TMCC3: variants seen among roughly 807,000 people sequenced by gnomAD.
TMCC3 encodes the protein transmembrane and coiled-coil domain family 3.
Under a neutral mutation model 40.2 loss-of-function variants are expected in TMCC3, and 28 were observed. The observed-to-expected ratio is 0.70, with a 90% CI of 0.52 to 0.95. TMCC3 has a LOEUF of 0.95. TMCC3 is among the 40% of genes least tolerant of loss of function. TMCC3 has a pLI of 0.00. For synonymous variants in TMCC3, 255 were observed against 248.5 expected, an observed-to-expected ratio of 1.03 and a Z score of -0.25; for missense variants, 554 against 615.2, an observed-to-expected ratio of 0.90 and a Z score of 1.05.
intron 1 of TMCC3, among the ~76,000 whole-genome samples, chr12:94,611,851 C>T (rs2068817949): frequency 6.6e-6 from 1 of 151,984 alleles, no homozygotes; most frequent in South Asian, 2.1e-4. Context: ...TGGTTGAATC[C>T]ATGAATGTGA....
In TMCC3 at chr12:94,578,456, C is replaced by G; in HGVS notation, c.1069G>C (p.Glu357Gln). 3 of 1,614,194 alleles carry G rather than the reference C, an allele frequency of 1.9e-6. No individual in the cohort carries two copies. The highest frequency in any genetic ancestry group is 1.6e-4 in the Middle Eastern group (1 of 6,062). ...ACCTTCTCCTCAATGCTGGCCAGCT[C>G]CTGCTTCAGGTTGGCTGTCTCATGC... ...HQHETANLKQELASIEEKVAY... is the reference protein window; with the variant it reads ...HQHETANLKQQLASIEEKVAY... The change falls in exon 3 of 4, where the codon GAG becomes CAG. Residue 357 changes from glutamate (E) to glutamine (Q), a missense_variant. By Grantham distance (29) the Glu-to-Gln change is conservative. Transcript: ENST00000261226.
intron 1 of TMCC3, among the ~76,000 whole-genome samples, chr12:94,648,703 T>C (rs755401703): frequency 2.6e-5 from 4 of 152,190 alleles, no homozygotes; most frequent in African/African-American, 4.8e-5. Flanking sequence ...ATCACCACCA[T>C]TTTACAGGTT....
At chr12:94,589,477 G>A (rs1374405884) in intron 1 of TMCC3, among the ~76,000 whole-genome samples, 1 of 150,050 alleles carries the variant, frequency 6.7e-6, no homozygotes, top group African/African-American at 2.4e-5. Flanking sequence ...CTAGGGGACA[G>A]GGGAGTATAA....
intron 1 of TMCC3, among the ~76,000 whole-genome samples, chr12:94,603,615 G>C (rs150247393): frequency 2.6e-5 from 4 of 152,130 alleles, no homozygotes; most frequent in Non-Finnish European, 5.9e-5. Flanking sequence ...TACCCTTTGC[G>C]GGGAAGTAGG....
intron 1 of TMCC3, among the ~76,000 whole-genome samples, chr12:94,589,587 CTATT>C (rs2068659608): frequency 6.7e-6 from 1 of 149,954 alleles, no homozygotes. Flanking sequence ...ACTATTATTA[CTATT>C]TTATAAACTA....
At chr12:94,620,015 T>C (rs967210125) in intron 1 of TMCC3, among the ~76,000 whole-genome samples, 3 of 151,806 alleles carry the variant, frequency 2.0e-5, no homozygotes, top group African/African-American at 7.3e-5. Flanking sequence ...AATGCAAAAT[T>C]AGCTGGGCGT....
chr12:94,607,989 T>C (rs144752760), intron 1 of TMCC3, among the ~76,000 whole-genome samples: 4 of 152,354 alleles, frequency 2.6e-5, no homozygotes, highest in African/African-American at 7.2e-5. Context: ...AATAAGGCCA[T>C]TGTAAATATA....
chr12:94,646,914 C>T (rs1001186840), intron 1 of TMCC3, among the ~76,000 whole-genome samples: 3 of 152,090 alleles, frequency 2.0e-5, no homozygotes, highest in East Asian at 1.9e-4. Flanking sequence ...ATACAACCCA[C>T]GTAGGTCCAG....
At chr12:94,635,792 G>A (rs988475130) in intron 1 of TMCC3, among the ~76,000 whole-genome samples, 1 of 150,562 alleles carries the variant, frequency 6.6e-6, no homozygotes, top group Non-Finnish European at 1.5e-5. Flanking sequence ...TCAGCCTTCC[G>A]AGTAGCTGGG....
At chr12:94,638,253 T>C (rs756515543) in intron 1 of TMCC3, among the ~76,000 whole-genome samples, 1 of 152,188 alleles carries the variant, frequency 6.6e-6, no homozygotes, top group African/African-American at 2.4e-5. Context: ...GTATCTCAAC[T>C]TGAGCACTTA....
chr12:94,597,193 TA>T (rs2068723019), intron 1 of TMCC3, among the ~76,000 whole-genome samples: 1 of 140,234 alleles, frequency 7.1e-6, no homozygotes, highest in African/African-American at 2.7e-5. Flanking sequence ...GGCGTGCCTG[TA>T]GTCGCAGCTA....
intron 3 of TMCC3, among the ~76,000 whole-genome samples, chr12:94,577,250 G>A (rs1237427952): frequency 2.0e-5 from 3 of 152,030 alleles, no homozygotes; most frequent in South Asian, 2.1e-4. Context: ...GTGCAATGGC[G>A]CGATCTCGGC....
intron 1 of TMCC3, among the ~76,000 whole-genome samples, chr12:94,583,248 T>G (rs2068617987): frequency 6.7e-6 from 1 of 150,152 alleles, no homozygotes; most frequent in African/African-American, 2.4e-5. Context: ...CTCACACCTA[T>G]AATCCCAGCA....
At chr12:94,592,726 G>A (rs1431216481) in intron 1 of TMCC3, among the ~76,000 whole-genome samples, 2 of 146,110 alleles carry the variant, frequency 1.4e-5, no homozygotes, top group African/African-American at 2.5e-5. Flanking sequence ...TCATTACTCT[G>A]GAATTAGGGA....
intron 1 of TMCC3, among the ~76,000 whole-genome samples, chr12:94,614,116 A>C (rs1435085846): frequency 6.6e-6 from 1 of 151,306 alleles, no homozygotes; most frequent in Non-Finnish European, 1.5e-5. Flanking sequence ...AAAAAAAAAA[A>C]CTATGGAGTA....
chr12:94,572,662 G>C (rs1238395306), intron 3 of TMCC3, among the ~76,000 whole-genome samples: 1 of 152,144 alleles, frequency 6.6e-6, no homozygotes, highest in Non-Finnish European at 1.5e-5. Flanking sequence ...GTGCCTGTTG[G>C]TGCCATCAGG....
At chr12:94,620,691 A>G (rs1017407919) in intron 1 of TMCC3, among the ~76,000 whole-genome samples, 1 of 152,190 alleles carries the variant, frequency 6.6e-6, no homozygotes, top group African/African-American at 2.4e-5. Context: ...ATTAAACAAT[A>G]TCACTTAATC....
At chr12:94,589,022 A>C (rs1157584961) in intron 1 of TMCC3, among the ~76,000 whole-genome samples, 2 of 151,954 alleles carry the variant, frequency 1.3e-5, no homozygotes, top group African/African-American at 4.8e-5. Flanking sequence ...GGAGTTTCAC[A>C]ATGTTGGCCA....
intron 3 of TMCC3, 94 bp downstream of exon 3, chr12:94,578,300 C>T: frequency 7.0e-7 from 1 of 1,431,188 alleles, no homozygotes; most frequent in Non-Finnish European, 9.4e-7. Flanking sequence ...GTGCCAGAAA[C>T]CCTCTAGGAC....
Sources: allele counts gnomAD v4.1 joint callset (sites outside exome capture counted in the v4.1 genomes callset), GRCh38; gene constraint gnomAD v4.1.1; transcripts MANE v1.5; gene names NCBI Gene and HGNC (gene_info 2026-07-23, HGNC 2026-07-21).